Variants in EPHA6 observed in about 807,000 individuals in gnomAD.
The protein encoded by EPHA6 is ephrin type-A receptor 6.
A neutral mutation model predicts 112.0 loss-of-function variants in EPHA6; 50 were observed. The ratio of observed to expected loss-of-function variants is 0.45; its 90% CI spans 0.36 to 0.56. EPHA6 has a LOEUF of 0.56. Ranked by LOEUF, EPHA6 falls within the 20% of genes least tolerant of loss-of-function variation. The probability of loss-of-function intolerance (pLI) is 0.00; values close to 1 mark genes in which losing one functional copy is unlikely to be tolerated. For synonymous variants in EPHA6, 529 were observed against 490.7 expected, an observed-to-expected ratio of 1.08 and a Z score of -1.03; for missense variants, 1,280 against 1,417.4, an observed-to-expected ratio of 0.90 and a Z score of 1.56.
chr3:97,024,665 C>T (rs2044576093), intron 3 of EPHA6, among the ~76,000 whole-genome samples: 1 of 152,064 alleles, frequency 6.6e-6, no homozygotes. Flanking sequence ...TTTTTTAACT[C>T]ACACTTTCTA....
chr3:97,749,587 T>C lies in EPHA6; in HGVS notation c.*886T>C, dbSNP rs62264176. 0.24 allele frequency among the ~76,000 whole-genome samples: 36,213 copies of C among 152,058 alleles called. 4,735 individuals carry two copies. The highest frequency in any genetic ancestry group is 0.34 in the Middle Eastern group (100 of 294). ...AATCCATGACTATTTCCTTTGTGCA[T>C]TGTCACAAGTTTGCAAAAGCAATTA... On this transcript the variant is annotated 3_prime_UTR_variant, in exon 18 of 18. Coordinates refer to ENST00000389672, the MANE Select transcript of EPHA6 (RefSeq NM_001080448.3).
intron 13 of EPHA6, among the ~76,000 whole-genome samples, chr3:97,616,950 T>C (rs1560194876): frequency 1.3e-5 from 2 of 152,008 alleles, no homozygotes; most frequent in Non-Finnish European, 2.9e-5. Context: ...AAATACTCAA[T>C]GAGAAGATTA....
chr3:97,166,648 A>G (rs1461018985), intron 3 of EPHA6, among the ~76,000 whole-genome samples: 1 of 152,288 alleles, frequency 6.6e-6, no homozygotes, highest in Non-Finnish European at 1.5e-5. Flanking sequence ...TGTGGACTGC[A>G]TAACTCCAAA....
At chr3:97,380,230 C>T (rs572238581) in intron 5 of EPHA6, among the ~76,000 whole-genome samples, 36 of 152,058 alleles carry the variant, frequency 2.4e-4, no homozygotes, top group African/African-American at 8.2e-4. Flanking sequence ...ATTTATTCAA[C>T]ACAAGGATAT....
intron 10 of EPHA6, among the ~76,000 whole-genome samples, chr3:97,529,815 C>G (rs1290215520): frequency 6.6e-6 from 1 of 151,980 alleles, no homozygotes; most frequent in Non-Finnish European, 1.5e-5. Context: ...ACAGCTTGAT[C>G]ATGCAAAGCT....
rs1209503523 is a variant in EPHA6, at chr3:97,646,320, T to C, written c.2784+8238T>C. 2.7e-6 allele frequency: 4 copies of C among 1,493,002 alleles called. No homozygotes were observed. The East Asian group carries it at 1.0e-4, about 37-fold the overall frequency. 92.5% of individuals were successfully genotyped at this position (1,493,002 alleles called of 1,614,324 possible). ...AGATAACCCTCCAACAGTGAGTCTT[T>C]CAGAGCCCCGTTTAAAAATCCTATA... On this transcript the variant is annotated intron_variant, in intron 14 of 17. Coordinates refer to ENST00000389672, the MANE Select transcript of EPHA6 (RefSeq NM_001080448.3).
At chr3:97,006,442 C>T (rs1056348135) in intron 3 of EPHA6, among the ~76,000 whole-genome samples, 1 of 152,008 alleles carries the variant, frequency 6.6e-6, no homozygotes, top group African/African-American at 2.4e-5. Context: ...TCTGTGGGGT[C>T]AGTGGTGATA....
intron 1 of EPHA6, among the ~76,000 whole-genome samples, chr3:96,842,197 CTTAGTCAA>C (rs1199098026): frequency 6.6e-6 from 1 of 152,062 alleles, no homozygotes; most frequent in East Asian, 1.9e-4. Flanking sequence ...ATCTGAAAAT[CTTAGTCAA>C]ATCATGACAG....
chr3:97,480,885 A>AGCG (rs2091517255), intron 9 of EPHA6, among the ~76,000 whole-genome samples: 1 of 151,344 alleles, frequency 6.6e-6, no homozygotes, highest in Non-Finnish European at 1.5e-5. Flanking sequence ...ACGGGGTGGC[A>AGCG]GAGCAGAGGC....
At chr3:97,051,222 C>A (rs1359078062) in intron 3 of EPHA6, among the ~76,000 whole-genome samples, 2 of 152,128 alleles carry the variant, frequency 1.3e-5, no homozygotes, top group African/African-American at 4.8e-5. Flanking sequence ...GACAAAACAT[C>A]TTGTAAACAA....
chr3:96,878,482 T>C (rs977886378), intron 2 of EPHA6, among the ~76,000 whole-genome samples: 16 of 152,028 alleles, frequency 1.1e-4, no homozygotes, highest in African/African-American at 3.9e-4. Flanking sequence ...AGTAAGCAAA[T>C]TAACATTTTG....
intron 10 of EPHA6, among the ~76,000 whole-genome samples, chr3:97,519,858 T>C (rs2092509953): frequency 6.6e-6 from 1 of 152,152 alleles, no homozygotes; most frequent in Non-Finnish European, 1.5e-5. Flanking sequence ...AATTTATTTA[T>C]GTGATCTAAG....
At chr3:97,003,664 T>C (rs1429189554) in intron 3 of EPHA6, among the ~76,000 whole-genome samples, 2 of 152,282 alleles carry the variant, frequency 1.3e-5, no homozygotes, top group Admixed American at 1.3e-4. Flanking sequence ...TTTTTTTCTT[T>C]ATTTCTTCTT....
chr3:97,591,898 T>C (rs2093548376), intron 11 of EPHA6, among the ~76,000 whole-genome samples: 1 of 152,126 alleles, frequency 6.6e-6, no homozygotes, highest in African/African-American at 2.4e-5. Flanking sequence ...TGAGTGGTTT[T>C]AACTAGATGA....
intron 7 of EPHA6, among the ~76,000 whole-genome samples, chr3:97,461,454 G>T (rs958754452): frequency 2.6e-5 from 4 of 152,084 alleles, no homozygotes; most frequent in Admixed American, 6.5e-5. Flanking sequence ...TGAGTATACA[G>T]TGATTCAATG....
chr3:97,405,501 C>T (rs1256984572), intron 6 of EPHA6, among the ~76,000 whole-genome samples: 1 of 151,980 alleles, frequency 6.6e-6, no homozygotes, highest in Non-Finnish European at 1.5e-5. Context: ...GTAAGATGTT[C>T]ATTTCTGTCA....
At chr3:97,499,629 A>G (rs1422987081) in intron 10 of EPHA6, among the ~76,000 whole-genome samples, 3 of 152,180 alleles carry the variant, frequency 2.0e-5, no homozygotes, top group Admixed American at 2.0e-4. Flanking sequence ...CAAAGCTGTA[A>G]AGCATACTGC....
chr3:97,579,018 G>A (rs983521007), intron 11 of EPHA6, among the ~76,000 whole-genome samples: 5 of 151,724 alleles, frequency 3.3e-5, no homozygotes, highest in Non-Finnish European at 4.4e-5. Flanking sequence ...TTTATTTCTC[G>A]ACAAGCCTGT....
intron 11 of EPHA6, among the ~76,000 whole-genome samples, chr3:97,558,362 C>T (rs1177110935): frequency 6.6e-6 from 1 of 152,018 alleles, no homozygotes; most frequent in Admixed American, 6.6e-5. Context: ...TCAGGATTGA[C>T]AGTTTTCATC....
Sources: allele counts gnomAD v4.1 joint callset (sites outside exome capture counted in the v4.1 genomes callset), GRCh38; gene constraint gnomAD v4.1.1; transcripts MANE v1.5; gene names NCBI Gene and HGNC (gene_info 2026-07-23, HGNC 2026-07-21).